The following MSANTD4 variants were observed in gnomAD, a reference collection of about 807,000 sequenced individuals.
MSANTD4 encodes Myb/SANT DNA binding domain containing 4 with coiled-coils.
Under a neutral mutation model 34.3 loss-of-function variants are expected in MSANTD4, and 13 were observed. That is an observed-to-expected ratio of 0.38 (90% CI 0.25 to 0.60). The LOEUF is 0.60. Ranked by LOEUF, MSANTD4 falls within the 20% of genes least tolerant of loss-of-function variation. The pLI is 0.63. For missense variants in MSANTD4, 358 were observed against 401.8 expected (o/e 0.89, Z 0.93); for synonymous variants, 137 against 145.2 (o/e 0.94, Z 0.41).
rs749665909 is a variant in MSANTD4 at position 106,009,827 on chromosome 11, C to G, written c.746G>C (p.Arg249Pro). The change falls in exon 3 of 3, where the codon CGG (arginine) becomes CCG (proline). Residue 249 changes from arginine to proline, a missense_variant. Around this residue, in one of 2 missense-constraint regions of MSANTD4, gnomAD observed 312 missense variants for 317.6 expected, o/e 0.98. Coordinates refer to ENST00000301919, the MANE Select transcript of MSANTD4 (RefSeq NM_032424.3). ...CAGCCGCTCCTTCTCTAGCTGAAGCCGCTCATGTTCCATGTCTAAATGCCG... is the reference window on the plus strand; with the variant it reads ...CAGCCGCTCCTTCTCTAGCTGAAGCGGCTCATGTTCCATGTCTAAATGCCG... ...RLRHLDMEHE[R>P]LQLEKERLQI... The G allele has an allele frequency of 6.2e-7, 1 of 1,614,126 alleles. No homozygotes were observed. The highest frequency in any genetic ancestry group is 1.1e-5 in the South Asian group (1 of 91,082).
Position 106,010,595 on chromosome 11 carries a change from G to A in MSANTD4, c.323C>T (p.Thr108Ile), listed in dbSNP as rs763078285. 3.1e-6 allele frequency: 5 copies of A among 1,614,024 alleles called. No individual in the cohort carries two copies. The East Asian group carries it at 8.9e-5, about 29-fold the overall frequency. Residue 108 changes from threonine to isoleucine, a missense_variant, in exon 2 of 3, where the codon ACT (threonine) becomes ATT (isoleucine). This residue lies in a region of MSANTD4 where 312 missense variants were observed against 317.6 expected (regional missense o/e 0.98). Transcript: ENST00000301919. Reference sequence around the variant, plus strand: ...TCCAATCTTTTCATCTATCTCTTCAGTGAGAGAGTCATCCAAATCAGAGGA... The same window carrying A: ...TCCAATCTTTTCATCTATCTCTTCAATGAGAGAGTCATCCAAATCAGAGGA... ...LPSSDLDDSLTEEIDEKIGFR... is the reference protein window; with the variant it reads ...LPSSDLDDSLIEEIDEKIGFR...
At chr11:106,012,672 T>C (rs1028824158) in intron 1 of MSANTD4, among the ~76,000 whole-genome samples, 1 of 152,166 alleles carries the variant, frequency 6.6e-6, no homozygotes, top group Non-Finnish European at 1.5e-5. Context: ...TTTAGGCTCC[T>C]CTCCAGACTG....
rs758042918 is a variant in MSANTD4 at position 106,010,562 on chromosome 11, T to C, written c.356A>G (p.Asn119Ser). ...EEIDEKIGFRNDANFDWQNVA... is the reference protein window; with the variant it reads ...EEIDEKIGFRSDANFDWQNVA... ...ATTTTGCCAGTCAAAATTTGCATCA[T>C]TTCGGAATCCAATCTTTTCATCTAT... Residue 119 changes from asparagine (N) to serine (S), a missense_variant, in exon 2 of 3, where the codon AAT becomes AGT. By Grantham distance (46) the Asn-to-Ser change is conservative (BLOSUM62 1). This residue lies in a region of MSANTD4 where 312 missense variants were observed against 317.6 expected (regional missense o/e 0.98). Coordinates refer to ENST00000301919, the MANE Select transcript of MSANTD4 (RefSeq NM_032424.3). 1.2e-5 allele frequency: 20 copies of C among 1,614,088 alleles called. No homozygotes were observed. Among genetic ancestry groups the C allele is most frequent in the Admixed American group, 6.7e-5 (4 of 60,012 alleles).
chr11:106,020,558 A>G (rs985768115), intron 1 of MSANTD4, among the ~76,000 whole-genome samples: 5 of 152,214 alleles, frequency 3.3e-5, no homozygotes, highest in African/African-American at 1.2e-4. Flanking sequence ...TCTGAGATCA[A>G]TTTAGAAATC....
At chr11:106,014,280 T>C (rs1388184229) in intron 1 of MSANTD4, among the ~76,000 whole-genome samples, 2 of 152,242 alleles carry the variant, frequency 1.3e-5, no homozygotes, top group African/African-American at 4.8e-5. Flanking sequence ...ATATTTACTT[T>C]GTTTTACTTC....
At chr11:106,011,352 C>A (rs1419568596) in intron 1 of MSANTD4, among the ~76,000 whole-genome samples, 2 of 152,158 alleles carry the variant, frequency 1.3e-5, no homozygotes, top group Non-Finnish European at 2.9e-5. Flanking sequence ...CCTCCAATTG[C>A]ACTGGCCATC....
At chr11:106,019,953 C>T (rs551902144) in intron 1 of MSANTD4, among the ~76,000 whole-genome samples, 2 of 152,252 alleles carry the variant, frequency 1.3e-5, no homozygotes, top group East Asian at 1.9e-4. Context: ...TAGACTAATA[C>T]TCGTGATGTT....
At chr11:106,016,600 A>G (rs1391639200) in intron 1 of MSANTD4, among the ~76,000 whole-genome samples, 5 of 152,246 alleles carry the variant, frequency 3.3e-5, no homozygotes, top group African/African-American at 9.6e-5. Flanking sequence ...AGAAAGAGAA[A>G]CAGAAACTAA....
At position 106,010,037 on chromosome 11, in the gene MSANTD4, T is replaced by C; in HGVS notation, c.536A>G (p.Asp179Gly). The C allele has an allele frequency of 1.2e-6, 2 of 1,601,262 alleles. No individual in the cohort carries two copies. The highest frequency in any genetic ancestry group is 1.7e-6 in the Non-Finnish European group (2 of 1,179,694). The change falls in exon 3 of 3, where the codon GAT (aspartate) becomes GGT (glycine). Residue 179 changes from aspartate (D) to glycine (G), a missense_variant. Asp to Gly is a moderately conservative substitution (Grantham distance 94, BLOSUM62 -1). Coordinates refer to ENST00000301919, the MANE Select transcript of MSANTD4 (RefSeq NM_032424.3). ...AAAAAACTCATCAATGTGGGGGAAA[T>C]CGGGAAGTTCATTTTCTCTCCTGGA... ...PDSRRENELP[D>G]FPHIDEFFTL...
chr11:106,014,005 A>T (rs1267931728), intron 1 of MSANTD4, among the ~76,000 whole-genome samples: 1 of 152,244 alleles, frequency 6.6e-6, no homozygotes, highest in Non-Finnish European at 1.5e-5. Flanking sequence ...ACCTCCTGTT[A>T]AAGTAAATTA....
In MSANTD4 at chr11:106,018,253, G is replaced by A. The variant is rs143756328; in HGVS notation, c.-151+2709C>T. ...GAGAAATTTTCCATTGTTTTCTTTC[G>A]CTGTCATTAGAATACAATGTGTACT... On this transcript the variant is annotated intron_variant, in intron 1 of 2. Transcript: ENST00000301919. Among the ~76,000 whole-genome samples, 421 of 151,954 alleles carry A rather than the reference G, an allele frequency of 2.8e-3. 1 individual carries two copies. The highest frequency in any genetic ancestry group is 7.0e-3 in the African/African-American group (290 of 41,426).
chr11:106,015,906 C>T (rs766478309), intron 1 of MSANTD4, among the ~76,000 whole-genome samples: 48 of 152,130 alleles, frequency 3.2e-4, no homozygotes, highest in Non-Finnish European at 6.2e-4. Context: ...CTCTGTTCCC[C>T]AGACTGGAGT....
Position 106,010,490 on chromosome 11 carries a change from A to G in MSANTD4, c.428T>C (p.Val143Ala). Residue 143 changes from valine to alanine, a missense_variant, in exon 2 of 3, where the codon GTG (valine) becomes GCG (alanine). This residue lies in a region of MSANTD4 where 312 missense variants were observed against 317.6 expected (regional missense o/e 0.98). Transcript: ENST00000301919. The part of the protein sequence containing the change: ...DAGGSLTEVK[V>A]EEEERDPQSP... ...CTGCGGATCCCTTTCTTCCTCTTCC[A>G]CCTTGACCTCAGTTAAGGATCCACC... is the stretch of plus-strand genomic sequence containing the variant. 6.2e-7 allele frequency: 1 copy of G among 1,614,032 alleles called. No individual in the cohort carries two copies. Among genetic ancestry groups the G allele is most frequent in the African/African-American group, 1.3e-5 (1 of 75,044 alleles).
Position 106,021,046 on chromosome 11 carries a change from TC to T in MSANTD4, c.-236del, listed in dbSNP as rs559103754. The stretch of plus-strand genomic sequence containing the variant: ...ATCCAAGTAACAGAAGCTTGGGTTT[TC>T]TACCATCCATTCATTCCCCAATAAT... On this transcript the variant is annotated 5_prime_UTR_variant, in exon 1 of 3. An upstream open reading frame in the 5' UTR loses its in-frame stop. Coordinates refer to ENST00000301919, the MANE Select transcript of MSANTD4 (RefSeq NM_032424.3). 310 of 152,346 alleles carry T rather than the reference TC, an allele frequency of 2.0e-3. 3 individuals carry two copies. Among genetic ancestry groups the T allele is most frequent in the African/African-American group, 7.0e-3 (293 of 41,578 alleles). The allele number at this position is 152,346 out of a possible 1,614,324, so 9.4% of individuals were successfully genotyped here.
rs958633743 is a variant in MSANTD4 at position 106,009,471 on chromosome 11, A to T, written c.*64T>A. 1.4e-6 allele frequency: 2 copies of T among 1,442,768 alleles called. No homozygotes were observed. The highest frequency in any genetic ancestry group is 2.8e-5 in the African/African-American group (2 of 70,206). The allele number at this position is 1,442,768 out of a possible 1,614,324, so 89.4% of individuals were successfully genotyped here. On this transcript the variant is annotated 3_prime_UTR_variant, in exon 3 of 3. Coordinates refer to ENST00000301919, the MANE Select transcript of MSANTD4 (RefSeq NM_032424.3). ...CACAGCTAATCCAGCAACCATCATT[A>T]TATCACCTGATATGAGAAAAATCTA...
At chr11:106,015,868 T>G (rs1859830017) in intron 1 of MSANTD4, among the ~76,000 whole-genome samples, 1 of 152,172 alleles carries the variant, frequency 6.6e-6, no homozygotes, top group African/African-American at 2.4e-5. Flanking sequence ...GCTTATAATT[T>G]TATTTTATTT....
At chr11:106,010,207 A>G (rs1859653132) in intron 2 of MSANTD4, 97 bp from the exon 3 acceptor site, 1 of 1,276,126 alleles carries the variant, frequency 7.8e-7, no homozygotes, top group Admixed American at 2.6e-5. Flanking sequence ...GTTTGGGGAA[A>G]AATACTTAAT....
chr11:106,009,829 C>T lies in MSANTD4; in HGVS notation c.744G>A (p.Glu248=), dbSNP rs775013036. The change falls in exon 3 of 3, where the codon GAG becomes GAA. Residue 248 remains glutamate, a synonymous_variant. Coordinates refer to ENST00000301919, the MANE Select transcript of MSANTD4 (RefSeq NM_032424.3). ...GCCGCTCCTTCTCTAGCTGAAGCCG[C>T]TCATGTTCCATGTCTAAATGCCGCA... ...ERLRHLDMEH[E]RLQLEKERLQ... 5 of 1,614,182 alleles carry T rather than the reference C, an allele frequency of 3.1e-6. No homozygotes were observed. In the South Asian group the frequency reaches 3.3e-5, roughly 11 times the overall value.
In MSANTD4 at chr11:106,021,057, T is replaced by C. The variant is rs890902041; in HGVS notation, c.-246A>G. 6.6e-6 allele frequency: 1 copy of C among 152,220 alleles called. No homozygotes were observed. The highest frequency in any genetic ancestry group is 2.4e-5 in the African/African-American group (1 of 41,456). 9.4% of individuals were successfully genotyped at this position (152,220 alleles called of 1,614,324 possible). ...AGAAGCTTGGGTTTTCTACCATCCA[T>C]TCATTCCCCAATAATTTCCTCAAAA... On this transcript the variant is annotated 5_prime_UTR_variant, in exon 1 of 3. It removes an upstream start codon present in the reference 5' UTR. Transcript: ENST00000301919.
Sources: allele counts gnomAD v4.1 joint callset (sites outside exome capture counted in the v4.1 genomes callset), GRCh38; gene constraint gnomAD v4.1.1; regional missense constraint gnomAD v4.1.1; transcripts MANE v1.5; gene names NCBI Gene and HGNC (gene_info 2026-07-23, HGNC 2026-07-21).